KCNAB1: variants seen among roughly 807,000 people sequenced by gnomAD.
KCNAB1 encodes the protein voltage-gated potassium channel subunit beta-1.
A neutral mutation model predicts 64.6 loss-of-function variants in KCNAB1; 35 were observed. The ratio of observed to expected loss-of-function variants is 0.54; its 90% confidence interval spans 0.41 to 0.72. The LOEUF is 0.72. Ranked by LOEUF, KCNAB1 falls within the 30% of genes least tolerant of loss-of-function variation. KCNAB1 has a pLI of 0.00. For missense variants in KCNAB1, 401 were observed against 512.9 expected, an observed-to-expected ratio of 0.78 and a Z score of 2.11; for synonymous variants, 177 against 183.8, an observed-to-expected ratio of 0.96 and a Z score of 0.30.
chr3:156,343,460 C>A (rs537517851), intron 1 of KCNAB1, among the ~76,000 whole-genome samples: 2 of 152,290 alleles, frequency 1.3e-5, no homozygotes, highest in South Asian at 4.1e-4. Context: ...ACTCAGAGAC[C>A]TGAGGTCGAG....
At chr3:156,274,513 T>A (rs1719223728) in intron 1 of KCNAB1, among the ~76,000 whole-genome samples, 1 of 152,166 alleles carries the variant, frequency 6.6e-6, no homozygotes, top group Non-Finnish European at 1.5e-5. Context: ...AAGAACTTTT[T>A]TTTTTCTTTT....
chr3:156,377,624 A>G (rs1711784519), intron 1 of KCNAB1, among the ~76,000 whole-genome samples: 1 of 152,102 alleles, frequency 6.6e-6, no homozygotes, highest in East Asian at 1.9e-4. Flanking sequence ...TTTCTCCCCC[A>G]ACCTCTTTTC....
At chr3:156,425,875 G>A (rs1715780767) in intron 2 of KCNAB1, among the ~76,000 whole-genome samples, 1 of 152,104 alleles carries the variant, frequency 6.6e-6, no homozygotes, top group Admixed American at 6.5e-5. Flanking sequence ...GCTTGATGGG[G>A]GAACAAGGGT....
chr3:156,120,681 T>C lies in KCNAB1; in HGVS notation c.70T>C (p.Ser24Pro), dbSNP rs749868438. 59 of 1,614,046 alleles carry C rather than the reference T, an allele frequency of 3.7e-5. 1 individual carries two copies. The East Asian group carries it at 1.3e-3, about 35-fold the overall frequency. ...SEENTKLRRQ[S>P]GFSVAGKDKS... ...GGAGAACACCAAGTTAAGGAGACAG[T>C]CTGGGTTTTCTGTAGCAGGGAAAGA... The change falls in exon 1 of 14, where the codon TCT (serine) becomes CCT (proline). Residue 24 changes from serine (S) to proline (P), a missense_variant. Ser to Pro is a moderately conservative substitution (Grantham distance 74). Coordinates refer to ENST00000490337, the MANE Select transcript of KCNAB1 (RefSeq NM_172160.3).
chr3:156,196,587 T>G (rs572270089), intron 1 of KCNAB1, among the ~76,000 whole-genome samples: 1 of 152,216 alleles, frequency 6.6e-6, no homozygotes, highest in Admixed American at 6.5e-5. Context: ...AATGGGAGTT[T>G]ACTCATGATT....
At chr3:156,351,197 CTG>C (rs1460872297) in intron 1 of KCNAB1, among the ~76,000 whole-genome samples, 2 of 152,248 alleles carry the variant, frequency 1.3e-5, no homozygotes. Flanking sequence ...GTTGGCCACA[CTG>C]AGTGTGTCTC....
At chr3:156,487,348 G>A (rs1715289259) in intron 8 of KCNAB1, among the ~76,000 whole-genome samples, 1 of 151,952 alleles carries the variant, frequency 6.6e-6, no homozygotes, top group Admixed American at 6.6e-5. Flanking sequence ...TTCAACTTTG[G>A]GAAGTAATTA....
At chr3:156,495,378 G>T (rs1715941362) in intron 8 of KCNAB1, among the ~76,000 whole-genome samples, 1 of 152,024 alleles carries the variant, frequency 6.6e-6, no homozygotes. Context: ...CCCATTACTG[G>T]GTATGTATCC....
At chr3:156,439,693 C>A (rs1042948208) in intron 2 of KCNAB1, among the ~76,000 whole-genome samples, 3 of 152,200 alleles carry the variant, frequency 2.0e-5, no homozygotes, top group African/African-American at 7.2e-5. Flanking sequence ...AATGGAGCAT[C>A]ACCAGACGAG....
At chr3:156,186,359 C>G (rs1363064271) in intron 1 of KCNAB1, among the ~76,000 whole-genome samples, 1 of 152,098 alleles carries the variant, frequency 6.6e-6, no homozygotes, top group Non-Finnish European at 1.5e-5. Context: ...TGTTTCTGTC[C>G]TATTCCTTTC....
chr3:156,140,560 T>C (rs1332845945), intron 1 of KCNAB1, among the ~76,000 whole-genome samples: 1 of 152,116 alleles, frequency 6.6e-6, no homozygotes, highest in Non-Finnish European at 1.5e-5. Context: ...CTCGCTTACC[T>C]CCCAAAGGCC....
intron 11 of KCNAB1, among the ~76,000 whole-genome samples, chr3:156,517,497 AG>A (rs1235537403): frequency 6.6e-6 from 1 of 152,272 alleles, no homozygotes; most frequent in Non-Finnish European, 1.5e-5. Flanking sequence ...TTCTGAAACA[AG>A]TCTAAACAAG....
chr3:156,155,323 A>G (rs1715653458), intron 1 of KCNAB1, among the ~76,000 whole-genome samples: 1 of 152,228 alleles, frequency 6.6e-6, no homozygotes, highest in Admixed American at 6.5e-5. Flanking sequence ...ACTTAGGCTA[A>G]GTTCTCTGCT....
chr3:156,407,535 T>G (rs1714328919), intron 1 of KCNAB1, among the ~76,000 whole-genome samples: 1 of 152,246 alleles, frequency 6.6e-6, no homozygotes, highest in Non-Finnish European at 1.5e-5. Flanking sequence ...AGAACAGTGC[T>G]CAATAAATAT....
At chr3:156,163,590 T>G (rs1716204794) in intron 1 of KCNAB1, among the ~76,000 whole-genome samples, 1 of 152,234 alleles carries the variant, frequency 6.6e-6, no homozygotes, top group South Asian at 2.1e-4. Context: ...TGATGTATGC[T>G]TTTCTGTATA....
rs3821421 is a variant in KCNAB1, at chr3:156,400,225, C to T, written c.276-21391C>T. Among the ~76,000 whole-genome samples, 11 of 152,270 alleles carry T rather than the reference C, an allele frequency of 7.2e-5. No homozygotes were observed. The East Asian group carries it at 1.7e-3, about 24-fold the overall frequency. ...TGTCTAAATTGCCTGAGGGTATTTC[C>T]GGGAGTGGTATTCCTTAATTTGCTA... On this transcript the variant is annotated intron_variant, in intron 1 of 13. Coordinates refer to ENST00000490337, the MANE Select transcript of KCNAB1 (RefSeq NM_172160.3).
At chr3:156,202,745 G>A (rs1438877028) in intron 1 of KCNAB1, among the ~76,000 whole-genome samples, 2 of 152,020 alleles carry the variant, frequency 1.3e-5, no homozygotes, top group African/African-American at 4.8e-5. Context: ...TTCCTACTGT[G>A]CCAGTGGTAT....
intron 1 of KCNAB1, among the ~76,000 whole-genome samples, chr3:156,391,393 A>C (rs1432482357): frequency 2.0e-5 from 3 of 152,218 alleles, no homozygotes; most frequent in African/African-American, 7.2e-5. Flanking sequence ...CCCATTGTTA[A>C]AAATTTTCCT....
chr3:156,221,488 T>A (rs1305135069), intron 1 of KCNAB1, among the ~76,000 whole-genome samples: 1 of 152,106 alleles, frequency 6.6e-6, no homozygotes, highest in Non-Finnish European at 1.5e-5. Flanking sequence ...CAGTCAAGAA[T>A]TTTGTGGCCG....
Sources: gnomAD v4.1 joint callset for allele counts (sites outside exome capture counted in the v4.1 genomes callset) on GRCh38, gnomAD v4.1.1 for gene constraint, MANE v1.5 for transcripts, NCBI Gene and HGNC (gene_info 2026-07-23, HGNC 2026-07-21) for gene names.